The following STUM variants were observed in gnomAD, a reference collection of about 807,000 sequenced individuals.
STUM encodes the protein stum, mechanosensory transduction mediator homolog, also known as protein stum homolog.
Under a neutral mutation model 15.3 loss-of-function variants are expected in STUM, and 8 were observed. That is an observed-to-expected ratio of 0.52 (90% CI 0.31 to 0.94). The LOEUF (loss-of-function observed/expected upper bound fraction) is 0.94. Ranked by LOEUF, STUM falls within the 40% of genes least tolerant of loss-of-function variation. The pLI, the probability that STUM is intolerant of heterozygous loss-of-function variation, is 0.05. For synonymous variants in STUM, 78 were observed against 88.7 expected, an observed-to-expected ratio of 0.88 and a Z score of 0.68; for missense variants, 142 against 204.9, an observed-to-expected ratio of 0.69 and a Z score of 1.87.
intron 2 of STUM, among the ~76,000 whole-genome samples, chr1:226,599,214 CAG>C (rs2102713452): frequency 6.6e-6 from 1 of 152,276 alleles, no homozygotes; most frequent in African/African-American, 2.4e-5. Flanking sequence ...CAAACCATAT[CAG>C]GGGGATAGAC....
chr1:226,582,924 A>G (rs1667941797), intron 1 of STUM, among the ~76,000 whole-genome samples: 1 of 152,348 alleles, frequency 6.6e-6, no homozygotes, highest in South Asian at 2.1e-4. Context: ...GCTTAAAACA[A>G]TAGTGTTTAT....
intron 1 of STUM, among the ~76,000 whole-genome samples, chr1:226,568,186 G>A (rs761512680): frequency 5.9e-5 from 9 of 152,212 alleles, no homozygotes; most frequent in African/African-American, 1.2e-4. Flanking sequence ...CTCTGGCAAC[G>A]GCCGGCAGCT....
chr1:226,557,230 G>T (rs1016887392), intron 1 of STUM, among the ~76,000 whole-genome samples: 11 of 152,144 alleles, frequency 7.2e-5, no homozygotes, highest in East Asian at 1.9e-4. Context: ...TGCAGTATTT[G>T]TCTTTCTGTG....
At chr1:226,580,346 T>C (rs1667898639) in intron 1 of STUM, among the ~76,000 whole-genome samples, 1 of 152,060 alleles carries the variant, frequency 6.6e-6, no homozygotes, top group South Asian at 2.1e-4. Flanking sequence ...CCATTGTCAG[T>C]GGTCTGGAGC....
chr1:226,582,876 A>G (rs2102702827), intron 1 of STUM, among the ~76,000 whole-genome samples: 1 of 152,308 alleles, frequency 6.6e-6, no homozygotes, highest in South Asian at 2.1e-4. Context: ...TGTCTCAGTT[A>G]GCTTTTGCTG....
rs904743877 is a variant in STUM, at chr1:226,602,120, A to G, written c.*80A>G. The G allele has an allele frequency of 4.6e-6, 5 of 1,095,294 alleles. No individual in the cohort carries two copies. The Admixed American group carries it at 1.0e-4, about 23-fold the overall frequency. The allele number at this position is 1,095,294 out of a possible 1,614,324, so 67.8% of individuals were successfully genotyped here. On this transcript the variant is annotated 3_prime_UTR_variant, in exon 4 of 4. Coordinates refer to ENST00000366788, the MANE Select transcript of STUM (RefSeq NM_001003665.4). Reference sequence around the variant, plus strand: ...CAGCTTTGGGCACAAGGACCTTTACATGTTCTTTTCTGCCATTTTCTGGAC... The same window carrying G: ...CAGCTTTGGGCACAAGGACCTTTACGTGTTCTTTTCTGCCATTTTCTGGAC...
intron 1 of STUM, among the ~76,000 whole-genome samples, chr1:226,569,786 T>C (rs1012962116): frequency 1.3e-5 from 2 of 152,150 alleles, no homozygotes; most frequent in Non-Finnish European, 2.9e-5. Flanking sequence ...TGCGTGACCC[T>C]CTTCTGCCTT....
At position 226,604,534 on chromosome 1, in the gene STUM, C is replaced by T. The variant is rs1399329679; in HGVS notation, c.*2494C>T. 2 of 152,152 alleles carry T rather than the reference C, an allele frequency of 1.3e-5. No homozygotes were observed. The highest frequency in any genetic ancestry group is 4.8e-5 in the African/African-American group (2 of 41,422). 9.4% of individuals were successfully genotyped at this position (152,152 alleles called of 1,614,324 possible). A position where few individuals can be genotyped will look rare whatever the true frequency, so the allele number is the denominator to read the frequency against. On this transcript the variant is annotated 3_prime_UTR_variant, in exon 4 of 4. Coordinates refer to ENST00000366788, the MANE Select transcript of STUM (RefSeq NM_001003665.4). This position sits in a 1 kb window ranked among gnomAD's most constrained non-coding sequence, Gnocchi z 4.7. ...GGCGGGACCGGTTCAAAATAGCGCCCCCGCCCCTCTAAATTAGACCGTGGT... is the reference window on the plus strand; with the variant it reads ...GGCGGGACCGGTTCAAAATAGCGCCTCCGCCCCTCTAAATTAGACCGTGGT...
intron 1 of STUM, among the ~76,000 whole-genome samples, chr1:226,571,672 T>C (rs1462589290): frequency 2.0e-5 from 3 of 151,654 alleles, no homozygotes; most frequent in South Asian, 2.1e-4. Context: ...GGAGTTTCAC[T>C]CTTGTTGCCC....
intron 1 of STUM, among the ~76,000 whole-genome samples, chr1:226,587,517 G>T (rs73098829): frequency 6.6e-6 from 1 of 152,044 alleles, no homozygotes; most frequent in Non-Finnish European, 1.5e-5. Flanking sequence ...CTGAAGACTC[G>T]CACCCCACCG....
chr1:226,585,187 A>T (rs1434936989), intron 1 of STUM, among the ~76,000 whole-genome samples: 1 of 152,144 alleles, frequency 6.6e-6, no homozygotes, highest in African/African-American at 2.4e-5. Flanking sequence ...TAAAAGGTGG[A>T]GTGAAGAATA....
chr1:226,601,686 G>A (rs551900646), intron 3 of STUM, among the ~76,000 whole-genome samples: 2 of 152,282 alleles, frequency 1.3e-5, no homozygotes, highest in South Asian at 4.1e-4. Flanking sequence ...GCTCTGCACT[G>A]GGAAAGCACA....
At chr1:226,584,805 C>G (rs1327201338) in intron 1 of STUM, among the ~76,000 whole-genome samples, 1 of 152,210 alleles carries the variant, frequency 6.6e-6, no homozygotes, top group African/African-American at 2.4e-5. Flanking sequence ...ATTGCCTTCT[C>G]TGCAGCTAGT....
chr1:226,557,848 T>A (rs1667471232), intron 1 of STUM, among the ~76,000 whole-genome samples: 1 of 152,214 alleles, frequency 6.6e-6, no homozygotes, highest in Non-Finnish European at 1.5e-5. Context: ...AATCAATAAA[T>A]GTGATACATC....
intron 1 of STUM, among the ~76,000 whole-genome samples, chr1:226,586,956 C>T (rs1323784440): frequency 6.6e-6 from 1 of 152,316 alleles, no homozygotes; most frequent in Non-Finnish European, 1.5e-5. Context: ...TCAGTTCACC[C>T]TCTAGCACTG....
At chr1:226,579,429 T>G (rs1667882074) in intron 1 of STUM, among the ~76,000 whole-genome samples, 1 of 152,162 alleles carries the variant, frequency 6.6e-6, no homozygotes, top group South Asian at 2.1e-4. Context: ...TCCCTGTCCA[T>G]GTGGTGCTTC....
In STUM at chr1:226,587,703, T is replaced by TG. The variant is rs529032672; in HGVS notation, c.203-9097dup. Among the ~76,000 whole-genome samples the TG allele has an allele frequency of 3.3e-5, 5 of 152,126 alleles. No homozygotes were observed. The South Asian group carries it at 1.0e-3, about 32-fold the overall frequency. ...GGAGCAGCTGAGGCTAAGGGAGAAG[T>TG]GGTTCAAGATGCCATACACCTTCTC... On this transcript the variant is annotated intron_variant, in intron 1 of 3. Coordinates refer to ENST00000366788, the MANE Select transcript of STUM (RefSeq NM_001003665.4).
rs1340821372 is a variant in STUM at position 226,565,406 on chromosome 1, A to G, written c.202+16300A>G. Among the ~76,000 whole-genome samples, 1 of 152,268 alleles carries G rather than the reference A, an allele frequency of 6.6e-6. No homozygotes were observed. Among genetic ancestry groups the G allele is most frequent in the East Asian group, 1.9e-4 (1 of 5,180 alleles). On this transcript the variant is annotated intron_variant, in intron 1 of 3. Transcript: ENST00000366788. This position sits in a 1 kb window ranked among gnomAD's most constrained non-coding sequence, Gnocchi z 4.4. ...ATGTTTGTTTTTAGCACCCCTGACT[A>G]GACTGTGGGGTCCTGAACCACCAGC...
At chr1:226,555,936 C>A (rs139384132) in intron 1 of STUM, among the ~76,000 whole-genome samples, 2 of 152,140 alleles carry the variant, frequency 1.3e-5, no homozygotes, top group Non-Finnish European at 2.9e-5. Context: ...CTTAATAATA[C>A]GTTTCATTTA....
Sources: allele counts gnomAD v4.1 joint callset (sites outside exome capture counted in the v4.1 genomes callset), GRCh38; gene constraint gnomAD v4.1.1; non-coding constraint Gnocchi (gnomAD v3.1); transcripts MANE v1.5; gene names NCBI Gene and HGNC (gene_info 2026-07-23, HGNC 2026-07-21).